The following FGF12 variants were observed in gnomAD, a reference collection of about 807,000 sequenced individuals.
FGF12 encodes the protein fibroblast growth factor 12.
Under a neutral mutation model 23.6 loss-of-function variants are expected in FGF12, and 14 were observed. That is an observed-to-expected ratio of 0.59 (90% CI 0.39 to 0.93). The LOEUF is 0.93. FGF12 is among the 40% of genes least tolerant of loss of function. The pLI is 0.00. For synonymous variants in FGF12, 62 were observed against 77.3 expected (o/e 0.80, Z 1.04); for missense variants, 175 against 217.8 (o/e 0.80, Z 1.24).
chr3:192,542,011 A>C (rs1035814490), intron 2 of FGF12, among the ~76,000 whole-genome samples: 2 of 149,886 alleles, frequency 1.3e-5, no homozygotes, highest in Non-Finnish European at 3.0e-5. Flanking sequence ...CTATAGGTGC[A>C]CATCACCATG....
Position 192,595,816 on chromosome 3 carries a change from C to T in FGF12, c.13+131365G>A, listed in dbSNP as rs149175193. 2.6e-5 allele frequency among the ~76,000 whole-genome samples: 4 copies of T among 152,214 alleles called. 1 individual carries two copies. The highest frequency in any genetic ancestry group is 7.2e-5 in the African/African-American group (3 of 41,538). Reference sequence around the variant, plus strand: ...CTTATTTTTAAAAAACTTTGAAAGCCAAGCACAGTGGCTCACACCTATAAT... The same window carrying T: ...CTTATTTTTAAAAAACTTTGAAAGCTAAGCACAGTGGCTCACACCTATAAT... On this transcript the variant is annotated intron_variant, in intron 2 of 5. Transcript: ENST00000445105.
At chr3:192,232,912 C>T (rs1415319019) in intron 4 of FGF12, among the ~76,000 whole-genome samples, 1 of 152,120 alleles carries the variant, frequency 6.6e-6, no homozygotes, top group African/African-American at 2.4e-5. Flanking sequence ...CATAGTATTC[C>T]ACGACGTACA....
At chr3:192,606,516 C>A (rs1714344418) in intron 2 of FGF12, among the ~76,000 whole-genome samples, 1 of 152,030 alleles carries the variant, frequency 6.6e-6, no homozygotes. Flanking sequence ...GCACCCCCTG[C>A]ATCTAAAATA....
intron 2 of FGF12, among the ~76,000 whole-genome samples, chr3:192,507,334 TACACACACACACACACACACAC>T (rs35433581): frequency 6.2e-5 from 9 of 144,622 alleles, no homozygotes; most frequent in South Asian, 4.5e-4. Context: ...TTTGACCAAA[TACACACACACACACACACACAC>T]ACACACACAC....
Position 192,283,366 on chromosome 3 carries a change from C to T in FGF12, c.228+51995G>A, listed in dbSNP as rs369475262. Among the ~76,000 whole-genome samples the T allele has an allele frequency of 3.9e-4, 59 of 152,110 alleles. No individual in the cohort carries two copies. The South Asian group carries it at 5.0e-3, about 13-fold the overall frequency. On this transcript the variant is annotated intron_variant, in intron 4 of 5. Transcript: ENST00000445105. Reference sequence around the variant, plus strand: ...TCTTTCCAAACAAAAACATTATTATCTTTAATAATTTTTTGACATCAGAGA... The same window carrying T: ...TCTTTCCAAACAAAAACATTATTATTTTTAATAATTTTTTGACATCAGAGA...
At chr3:192,237,581 T>G (rs746870570) in intron 4 of FGF12, among the ~76,000 whole-genome samples, 2 of 152,192 alleles carry the variant, frequency 1.3e-5, no homozygotes, top group Non-Finnish European at 2.9e-5. Context: ...CAAAAAACAG[T>G]CTTCGAGTTC....
intron 2 of FGF12, among the ~76,000 whole-genome samples, chr3:192,545,766 C>T (rs1725479983): frequency 6.6e-6 from 1 of 152,188 alleles, no homozygotes; most frequent in Admixed American, 6.5e-5. Flanking sequence ...TATTCTCTTT[C>T]TCAAATCCAT....
intron 3 of FGF12, among the ~76,000 whole-genome samples, chr3:192,341,098 C>T (rs1717667430): frequency 6.6e-6 from 1 of 151,966 alleles, no homozygotes; most frequent in Non-Finnish European, 1.5e-5. Flanking sequence ...ATAAGAAACT[C>T]CTATGACTCA....
chr3:192,213,982 G>C (rs958210896), intron 4 of FGF12, among the ~76,000 whole-genome samples: 10 of 152,188 alleles, frequency 6.6e-5, no homozygotes, highest in Non-Finnish European at 8.8e-5. Flanking sequence ...CAAGAAAAGG[G>C]AGGGGCTTTT....
intron 2 of FGF12, among the ~76,000 whole-genome samples, chr3:192,599,241 C>G (rs1182927367): frequency 9.7e-6 from 1 of 103,476 alleles, no homozygotes; most frequent in Admixed American, 9.1e-5. Context: ...CACACGTACC[C>G]CAGAACTTGA....
At chr3:192,549,615 G>A (rs147434095) in intron 2 of FGF12, among the ~76,000 whole-genome samples, 28 of 152,182 alleles carry the variant, frequency 1.8e-4, no homozygotes, top group African/African-American at 6.3e-4. Context: ...TATGACTATA[G>A]GGTGTTTCTA....
chr3:192,677,630 T>C (rs1948883), intron 2 of FGF12, among the ~76,000 whole-genome samples: 33,512 of 152,136 alleles, frequency 0.22, 4,213 homozygotes, highest in African/African-American at 0.35. Context: ...AAAATAGCCA[T>C]ATGTTCTATG....
intron 4 of FGF12, among the ~76,000 whole-genome samples, chr3:192,294,301 G>T (rs889289712): frequency 1.3e-5 from 2 of 152,008 alleles, no homozygotes; most frequent in African/African-American, 4.8e-5. Flanking sequence ...GGAGGAAGGG[G>T]CTAACTAGAT....
intron 3 of FGF12, among the ~76,000 whole-genome samples, chr3:192,355,834 T>C (rs1355595315): frequency 1.3e-5 from 2 of 152,220 alleles, no homozygotes; most frequent in Admixed American, 1.3e-4. Flanking sequence ...GACATATTTG[T>C]TCATTTTGTA....
intron 4 of FGF12, among the ~76,000 whole-genome samples, chr3:192,289,892 G>A (rs1408629863): frequency 6.6e-6 from 1 of 152,120 alleles, no homozygotes; most frequent in Non-Finnish European, 1.5e-5. Flanking sequence ...AGCTGACAGT[G>A]CCTCATTCAA....
At chr3:192,458,051 A>G (rs1193833444) in intron 2 of FGF12, among the ~76,000 whole-genome samples, 1 of 152,226 alleles carries the variant, frequency 6.6e-6, no homozygotes, top group Non-Finnish European at 1.5e-5. Flanking sequence ...TGTGGTGTTG[A>G]GCCTGCAGGT....
intron 2 of FGF12, among the ~76,000 whole-genome samples, chr3:192,436,206 T>C (rs1395219248): frequency 3.9e-5 from 6 of 152,056 alleles, no homozygotes; most frequent in Non-Finnish European, 8.8e-5. Flanking sequence ...TTAATAAAGA[T>C]GAGAAGCCTC....
chr3:192,573,099 T>G (rs1368329469), intron 2 of FGF12, among the ~76,000 whole-genome samples: 2 of 152,154 alleles, frequency 1.3e-5, no homozygotes, highest in Non-Finnish European at 2.9e-5. Flanking sequence ...TCATTCTATA[T>G]TCAGTGGTCA....
chr3:192,665,669 C>T (rs1338076749), intron 2 of FGF12, among the ~76,000 whole-genome samples: 2 of 152,028 alleles, frequency 1.3e-5, no homozygotes, highest in Non-Finnish European at 2.9e-5. Flanking sequence ...GGGCTTAAAA[C>T]CTAGATGATG....
Sources: allele counts gnomAD v4.1 joint callset (sites outside exome capture counted in the v4.1 genomes callset), GRCh38; gene constraint gnomAD v4.1.1; transcripts MANE v1.5; gene names NCBI Gene and HGNC (gene_info 2026-07-23, HGNC 2026-07-21).